PDE4D: variants seen among roughly 807,000 people sequenced by gnomAD.
The protein encoded by PDE4D is phosphodiesterase 4D, also known as 3',5'-cyclic-AMP phosphodiesterase 4D.
A neutral mutation model predicts 87.4 loss-of-function variants in PDE4D; 24 were observed. The observed-to-expected ratio is 0.27, with a 90% CI of 0.20 to 0.39. PDE4D has a LOEUF of 0.39. PDE4D is among the 10% of genes least tolerant of loss of function. The pLI, the probability that PDE4D is intolerant of heterozygous loss-of-function variation, is 1.00. For missense variants in PDE4D, 714 were observed against 1,041.0 expected (o/e 0.69, Z 4.32); for synonymous variants, 384 against 383.2 (o/e 1.00, Z -0.02).
At chr5:60,247,761 A>C (rs559439360) in intron 1 of PDE4D, among the ~76,000 whole-genome samples, 27 of 151,984 alleles carry the variant, frequency 1.8e-4, no homozygotes, top group Admixed American at 3.9e-4. Flanking sequence ...GAGACAGAGA[A>C]AGGGAGAGAG....
At chr5:59,296,507 G>C (rs764179637) in intron 1 of PDE4D, among the ~76,000 whole-genome samples, 83 of 152,124 alleles carry the variant, frequency 5.5e-4, no homozygotes, top group Admixed American at 6.6e-4. Context: ...ACATAAGCCA[G>C]AGAAGGTGGA....
In PDE4D at chr5:60,496,101, C is replaced by T. The variant is rs571726823; in HGVS notation, n.70+25950G>A. Among the ~76,000 whole-genome samples the T allele has an allele frequency of 9.9e-5, 15 of 152,200 alleles. No individual in the cohort carries two copies. The South Asian group carries it at 2.7e-3, about 27-fold the overall frequency. On this transcript the variant is annotated intron_variant and non_coding_transcript_variant, in intron 1 of 2. Coordinates refer to the PDE4D transcript ENST00000506510. ...TATTTCCTTTTGCTGCCAATGTGGG[C>T]CCTCTGCAGATGGTTGCAGCTGAGT...
chr5:59,758,677 G>A (rs1441715338), intron 1 of PDE4D, among the ~76,000 whole-genome samples: 3 of 152,070 alleles, frequency 2.0e-5, no homozygotes, highest in Admixed American at 1.3e-4. Flanking sequence ...GTGGCCTAAC[G>A]TGAATACCAC....
intron 1 of PDE4D, among the ~76,000 whole-genome samples, chr5:59,236,301 CGTT>C (rs1399666834): frequency 6.6e-6 from 1 of 152,160 alleles, no homozygotes; most frequent in Non-Finnish European, 1.5e-5. Flanking sequence ...GCTACTACCT[CGTT>C]GTGATTTTGG....
At chr5:59,116,589 C>T (rs550440968) in intron 5 of PDE4D, among the ~76,000 whole-genome samples, 23 of 152,246 alleles carry the variant, frequency 1.5e-4, no homozygotes, top group Admixed American at 2.6e-4. Context: ...CAATGTGTGT[C>T]GGAAACACCC....
intron 5 of PDE4D, among the ~76,000 whole-genome samples, chr5:59,098,596 C>T (rs1031820356): frequency 2.1e-5 from 3 of 144,116 alleles, no homozygotes; most frequent in East Asian, 2.2e-4. Flanking sequence ...TCCAGCTACT[C>T]GTGAGGCTGA....
At chr5:59,180,077 TTGTATATTAACTTC>T (rs1273637439) in intron 5 of PDE4D, among the ~76,000 whole-genome samples, 1 of 152,214 alleles carries the variant, frequency 6.6e-6, no homozygotes, top group African/African-American at 2.4e-5. Context: ...TTTTTCTGCA[TTGTATATTAACTTC>T]TCTCCCCTCC....
At chr5:59,087,277 G>A (rs1002186556) in intron 5 of PDE4D, among the ~76,000 whole-genome samples, 6 of 152,084 alleles carry the variant, frequency 3.9e-5, no homozygotes, top group Non-Finnish European at 7.4e-5. Context: ...TTGAGACCAG[G>A]AGTTCGAGAC....
At chr5:59,892,892 C>G (rs1275409933) in intron 1 of PDE4D, among the ~76,000 whole-genome samples, 1 of 124,686 alleles carries the variant, frequency 8.0e-6, no homozygotes. Context: ...GGGAAGCGCG[C>G]GCACCACACA....
chr5:60,329,491 T>C (rs1355123150), intron 1 of PDE4D, among the ~76,000 whole-genome samples: 1 of 152,148 alleles, frequency 6.6e-6, no homozygotes, highest in African/African-American at 2.4e-5. Context: ...AGGTATGTCT[T>C]TATTAGCAGC....
At chr5:60,188,199 C>G (rs886515036) in intron 1 of PDE4D, 14 of 152,168 alleles carry the variant, frequency 9.2e-5, no homozygotes, top group African/African-American at 3.1e-4. Flanking sequence ...AAACAGACAG[C>G]ATACTTTTAT....
chr5:59,547,266 A>G (rs1290698224), intron 1 of PDE4D, among the ~76,000 whole-genome samples: 1 of 152,168 alleles, frequency 6.6e-6, no homozygotes, highest in African/African-American at 2.4e-5. Flanking sequence ...TTATCTGTGA[A>G]TTTTATTTAT....
chr5:60,035,457 T>A (rs954961828), intron 2 of PDE4D, among the ~76,000 whole-genome samples: 1 of 152,154 alleles, frequency 6.6e-6, no homozygotes, highest in East Asian at 1.9e-4. Context: ...AACTTGCCCA[T>A]GTTCACATGG....
intron 1 of PDE4D, among the ~76,000 whole-genome samples, chr5:59,487,372 G>C (rs946884242): frequency 6.6e-6 from 1 of 152,132 alleles, no homozygotes; most frequent in African/African-American, 2.4e-5. Context: ...ATAAGCATTT[G>C]AGGTTTTTTT....
At chr5:59,215,537 G>GA in intron 2 of PDE4D, 1 of 403,254 alleles carries the variant, frequency 2.5e-6, no homozygotes, top group Non-Finnish European at 4.4e-6. Context: ...TATTTTCTGG[G>GA]AAAATAAATA....
rs552708117 is a variant in PDE4D at position 59,410,758 on chromosome 5, T to C, written c.456-194790A>G. Among the ~76,000 whole-genome samples, 61 of 152,278 alleles carry C rather than the reference T, an allele frequency of 4.0e-4. 1 individual carries two copies. Among genetic ancestry groups the C allele is most frequent in the African/African-American group, 1.4e-3 (57 of 41,560 alleles). ...ATCCATTTGTCTGTCGATGGGACAC[T>C]TAGGTTGCTTCCAAATCTTAGCTAT... On this transcript the variant is annotated intron_variant, in intron 1 of 14. Coordinates refer to ENST00000340635, the MANE Select transcript of PDE4D (RefSeq NM_001104631.2).
intron 1 of PDE4D, among the ~76,000 whole-genome samples, chr5:59,841,317 T>C (rs1403765700): frequency 6.6e-6 from 1 of 152,098 alleles, no homozygotes; most frequent in Non-Finnish European, 1.5e-5. Context: ...GCCTCTAACA[T>C]TGTATTGAAC....
chr5:59,675,636 C>T (rs767284175), intron 1 of PDE4D, among the ~76,000 whole-genome samples: 1 of 152,090 alleles, frequency 6.6e-6, no homozygotes, highest in South Asian at 2.1e-4. Flanking sequence ...TGGCACATAC[C>T]TATCTTTAAA....
At chr5:59,474,159 A>G (rs1802906099) in intron 1 of PDE4D, among the ~76,000 whole-genome samples, 3 of 152,308 alleles carry the variant, frequency 2.0e-5, no homozygotes, top group African/African-American at 7.2e-5. Context: ...AACACTAACA[A>G]GAGCAATTCA....
Sources: allele counts gnomAD v4.1 joint callset (sites outside exome capture counted in the v4.1 genomes callset), GRCh38; gene constraint gnomAD v4.1.1; transcripts MANE v1.5; gene names NCBI Gene and HGNC (gene_info 2026-07-23, HGNC 2026-07-21).